PRKX: variants seen among roughly 807,000 people sequenced by gnomAD.
PRKX encodes protein kinase cAMP-dependent X-linked catalytic subunit.
PRKX carries 12 observed loss-of-function variants against 22.0 expected under a neutral mutation model. The observed-to-expected ratio is 0.54, with a 90% CI of 0.35 to 0.88. The LOEUF is 0.88. Among genes scored for constraint, PRKX ranks in the 40% least tolerant of loss-of-function variants. The pLI is 0.01. For missense variants in PRKX, 217 were observed against 308.0 expected (o/e 0.70, Z 2.21); for synonymous variants, 134 against 137.7 (o/e 0.97, Z 0.19).
chrX:3,700,315 G>C (rs1928532971), intron 1 of PRKX, among the ~76,000 whole-genome samples: 1 of 112,033 alleles, frequency 8.9e-6, no homozygotes, highest in Admixed American at 9.5e-5. Context: ...ACTGAAAACA[G>C]GAAGTTAACG....
In PRKX at chrX:3,626,520, A is replaced by G; in HGVS notation, c.720-6T>C. 8.4e-7 allele frequency: 1 copy of G among 1,190,311 alleles called. No homozygotes were observed. The highest frequency in any genetic ancestry group is 2.2e-5 in the Admixed American group (1 of 45,840). ...CATCAAAAAACGGAGGAAACCTGTT[A>G]GAAAAACAAACATGTATTTTTAGTG... On this transcript the variant is annotated splice_region_variant and splice_polypyrimidine_tract_variant and intron_variant, in intron 4 of 8. Transcript: ENST00000262848.
At chrX:3,700,248 C>T (rs1322466204) in intron 1 of PRKX, among the ~76,000 whole-genome samples, 1 of 111,835 alleles carries the variant, frequency 8.9e-6, no homozygotes. Flanking sequence ...CAGGAAATTC[C>T]AGAAACCTAA....
chrX:3,645,994 C>T (rs780850385), intron 3 of PRKX, among the ~76,000 whole-genome samples: 14 of 111,098 alleles, frequency 1.3e-4, no homozygotes, highest in Non-Finnish European at 2.3e-4. Context: ...TATTTTACCA[C>T]AATAAAAAGA....
intron 4 of PRKX, among the ~76,000 whole-genome samples, chrX:3,630,653 G>A (rs1366057899): frequency 8.9e-6 from 1 of 112,110 alleles, no homozygotes; most frequent in African/African-American, 3.2e-5. Flanking sequence ...GGTGGAAGGC[G>A]AAGGGGAAGC....
chrX:3,693,323 T>A (rs1011369808), intron 1 of PRKX, among the ~76,000 whole-genome samples: 2 of 110,548 alleles, frequency 1.8e-5, no homozygotes, highest in African/African-American at 3.3e-5. Context: ...AATGGGAAGG[T>A]GGTGGAGATG....
intron 2 of PRKX, among the ~76,000 whole-genome samples, chrX:3,669,580 G>C (rs1190275815): frequency 8.9e-6 from 1 of 112,093 alleles, no homozygotes; most frequent in Non-Finnish European, 1.9e-5. Flanking sequence ...CCATGTGTCA[G>C]CACTGCTGAG....
chrX:3,677,757 C>T (rs1166919277), intron 1 of PRKX, among the ~76,000 whole-genome samples: 1 of 111,184 alleles, frequency 9.0e-6, no homozygotes, highest in Non-Finnish European at 1.9e-5. Context: ...GGAGAAGTAA[C>T]CTTTGCTTTT....
chrX:3,665,704 C>T (rs1488655038), intron 2 of PRKX, among the ~76,000 whole-genome samples: 3 of 110,291 alleles, frequency 2.7e-5, no homozygotes, highest in Admixed American at 9.7e-5. Context: ...TTCTACAGGA[C>T]GGGGGAATCT....
rs185320087 is a variant in PRKX at position 3,700,906 on chromosome X, A to C, written c.166+12182T>G. Among the ~76,000 whole-genome samples the C allele has an allele frequency of 3.3e-3, 374 of 111,888 alleles. 2 individuals are homozygous for C. Among genetic ancestry groups the C allele is most frequent in the African/African-American group, 0.012 (355 of 30,783 alleles). The stretch of plus-strand genomic sequence containing the variant: ...TGTTCAGCCACCAAGCCCAGCCCGA[A>C]AATCAATGAAGTTGACAAGACACAA... On this transcript the variant is annotated intron_variant, in intron 1 of 8. Transcript: ENST00000262848.
Position 3,711,582 on chromosome X carries a change from C to T in PRKX, c.166+1506G>A, listed in dbSNP as rs1055190148. On this transcript the variant is annotated intron_variant, in intron 1 of 8. Coordinates refer to ENST00000262848, the MANE Select transcript of PRKX (RefSeq NM_005044.5). ...AACGCTGGTGCTGAGTGCCAAGGAA[C>T]GGCTGGACCTCATCAATTTTCCATT... Among the ~76,000 whole-genome samples, 4 of 112,111 alleles carry T rather than the reference C, an allele frequency of 3.6e-5. No individual in the cohort carries two copies. In the South Asian group the frequency reaches 1.1e-3, roughly 31 times the overall value.
rs56037462 is a variant in PRKX, at chrX:3,674,756, C to T, written c.177G>A (p.Thr59=). The T allele has an allele frequency of 3.8e-5, 46 of 1,210,726 alleles. No homozygotes were observed. In the Middle Eastern group the frequency reaches 2.3e-3, roughly 61 times the overall value. ...CCTTCACCAGGTGCACCCGCCCGAA[C>T]GTCCCAGTGCCTGGAGAGAGAAGAA... is the stretch of plus-strand genomic sequence containing the variant. ...FDTLATVGTG[T]FGRVHLVKEK... is the part of the protein sequence containing the mutation. The change falls in exon 2 of 9, where the codon ACG becomes ACA. Residue 59 remains threonine, a synonymous_variant. Transcript: ENST00000262848.
chrX:3,665,168 G>C (rs1289837307), intron 2 of PRKX, among the ~76,000 whole-genome samples: 3 of 111,802 alleles, frequency 2.7e-5, no homozygotes, highest in African/African-American at 9.8e-5. Context: ...TTGTGTGTGT[G>C]CGTGCTTGTG....
chrX:3,700,894 A>C (rs1076483), intron 1 of PRKX, among the ~76,000 whole-genome samples: 9,826 of 111,262 alleles, frequency 0.088, 880 homozygotes, highest in African/African-American at 0.28. Flanking sequence ...TCAGCCACCA[A>C]GCCCAGCCCG....
At chrX:3,613,150 CAAAAAAAAAAAAAA>C (rs528688936) in intron 7 of PRKX, among the ~76,000 whole-genome samples, 21 of 54,323 alleles carry the variant, frequency 3.9e-4, no homozygotes, top group South Asian at 1.3e-3. Context: ...GACTTCGTCT[CAAAAAAAAAAAAAA>C]AAAAAAAAAA....
chrX:3,612,268 G>A lies in PRKX; in HGVS notation c.1009C>T (p.Pro337Ser). 5.0e-6 allele frequency: 6 copies of A among 1,210,612 alleles called. No individual in the cohort carries two copies. The highest frequency in any genetic ancestry group is 6.7e-6 in the Non-Finnish European group (6 of 895,065). Residue 337 changes from proline (P) to serine (S), a missense_variant, in exon 8 of 9, where the codon CCT becomes TCT. Pro to Ser is a moderately conservative substitution (Grantham distance 74, BLOSUM62 -1). Transcript: ENST00000262848. ...GCGGCTGTGTCCCAGTCATTCTCAG[G>A]GTAAGTTTCGAAGTTGGAAGTGTCG... ...DGDTSNFETY[P>S]ENDWDTAAPV...
At position 3,605,012 on chromosome X, in the gene PRKX, G is replaced by GACACACACACACAC. The variant is rs745485596; in HGVS notation, c.*3943_*3956dup. The GACACACACACACAC allele has an allele frequency of 6.1e-4, 52 of 84,568 alleles. No homozygotes were observed. Among genetic ancestry groups the GACACACACACACAC allele is most frequent in the African/African-American group, 2.1e-3 (47 of 22,556 alleles). 7.0% of individuals were successfully genotyped at this position (84,568 alleles called of 1,213,427 possible). A position where few individuals can be genotyped will look rare whatever the true frequency, so the allele number is the denominator to read the frequency against. On this transcript the variant is annotated 3_prime_UTR_variant, in exon 9 of 9. Transcript: ENST00000262848. ...AAATACAGCCCCTCACCTTCACCAA[G>GACACACACACACAC]ACACACACACACACACACACACACA...
At position 3,607,170 on chromosome X, in the gene PRKX, T is replaced by A. The variant is rs979219031; in HGVS notation, c.*1799A>T. 1 of 112,307 alleles carries A rather than the reference T, an allele frequency of 8.9e-6. No homozygotes were observed. Among genetic ancestry groups the A allele is most frequent in the Non-Finnish European group, 1.9e-5 (1 of 53,364 alleles). 9.3% of individuals were successfully genotyped at this position (112,307 alleles called of 1,213,427 possible). On this transcript the variant is annotated 3_prime_UTR_variant, in exon 9 of 9. Transcript: ENST00000262848. ...AGTAGAATGTTCAATATTATTACTATGATTTATTTTTATAGTCAGCAAACA... is the reference window on the plus strand; with the variant it reads ...AGTAGAATGTTCAATATTATTACTAAGATTTATTTTTATAGTCAGCAAACA...
At chrX:3,666,907 C>CTT (rs759458110) in intron 2 of PRKX, among the ~76,000 whole-genome samples, 13,284 of 50,057 alleles carry the variant, frequency 0.27, 1,082 homozygotes, top group East Asian at 0.45. Flanking sequence ...GACCTCATTT[C>CTT]TTTTAAAAAA....
Position 3,713,277 on chromosome X carries a change from A to T in PRKX, c.-24T>A, listed in dbSNP as rs1432720520. 6 of 1,004,365 alleles carry T rather than the reference A, an allele frequency of 6.0e-6. No homozygotes were observed. Among genetic ancestry groups the T allele is most frequent in the Non-Finnish European group, 7.5e-6 (6 of 800,616 alleles). 82.8% of individuals were successfully genotyped at this position (1,004,365 alleles called of 1,213,427 possible). A position where few individuals can be genotyped will look rare whatever the true frequency, so the allele number is the denominator to read the frequency against. On this transcript the variant is annotated 5_prime_UTR_variant, in exon 1 of 9. Coordinates refer to ENST00000262848, the MANE Select transcript of PRKX (RefSeq NM_005044.5). ...ATGGGGACGCACTCAGGTCCGGGGC[A>T]CCGGGCCAGGCCGGAGCGCTCGGGG...
Sources: gnomAD v4.1 joint callset for allele counts (sites outside exome capture counted in the v4.1 genomes callset) on GRCh38, gnomAD v4.1.1 for gene constraint, MANE v1.5 for transcripts, NCBI Gene and HGNC (gene_info 2026-07-23, HGNC 2026-07-21) for gene names.